KIAA1217: variants seen among roughly 807,000 people sequenced by gnomAD.
The protein encoded by KIAA1217 is sickle tail protein homolog.
In KIAA1217, 88 loss-of-function variants were observed where a neutral mutation model predicts 163.9. That is an observed-to-expected ratio of 0.54 (90% CI 0.45 to 0.64). The LOEUF (loss-of-function observed/expected upper bound fraction) is 0.64. KIAA1217 is among the 30% of genes least tolerant of loss of function. The pLI, the probability that KIAA1217 is intolerant of heterozygous loss-of-function variation, is 0.00. For synonymous variants in KIAA1217, 903 were observed against 923.1 expected (o/e 0.98, Z 0.39); for missense variants, 2,372 against 2,475.0 (o/e 0.96, Z 0.88).
intron 3 of KIAA1217, among the ~76,000 whole-genome samples, chr10:24,424,191 G>T (rs180914994): frequency 1.3e-5 from 2 of 152,086 alleles, no homozygotes; most frequent in Non-Finnish European, 2.9e-5. Flanking sequence ...TATCCTATAG[G>T]AAGGGACTTA....
intron 9 of KIAA1217, among the ~76,000 whole-genome samples, chr10:24,502,917 G>A (rs180829780): frequency 5.8e-4 from 88 of 152,232 alleles, no homozygotes; most frequent in Non-Finnish European, 1.1e-3. Flanking sequence ...AATGTGGAAG[G>A]CAGAGGTTGC....
chr10:24,411,087 T>C (rs2057731824), intron 3 of KIAA1217, among the ~76,000 whole-genome samples: 1 of 152,236 alleles, frequency 6.6e-6, no homozygotes. Context: ...GAATGTACTG[T>C]GCATGTCAGA....
intron 2 of KIAA1217, among the ~76,000 whole-genome samples, chr10:24,266,851 A>C (rs1054168424): frequency 1.3e-5 from 2 of 152,198 alleles, no homozygotes; most frequent in Admixed American, 1.3e-4. Context: ...ACGATGTGGA[A>C]GCTTTGTCCT....
intron 2 of KIAA1217, among the ~76,000 whole-genome samples, chr10:24,043,613 C>T (rs1332682712): frequency 6.6e-6 from 1 of 152,026 alleles, no homozygotes. Context: ...GAAGTATTGA[C>T]AGAAGTGGCT....
intron 2 of KIAA1217, among the ~76,000 whole-genome samples, chr10:24,237,887 C>T (rs1043342554): frequency 1.3e-5 from 2 of 152,194 alleles, no homozygotes; most frequent in African/African-American, 2.4e-5. Context: ...GGTAACCTCC[C>T]ATCTGTTGAC....
intron 2 of KIAA1217, among the ~76,000 whole-genome samples, chr10:24,263,637 G>A (rs1304998780): frequency 6.6e-6 from 1 of 152,110 alleles, no homozygotes; most frequent in Non-Finnish European, 1.5e-5. Context: ...TAACCACTAA[G>A]CATTTTGCTT....
chr10:24,150,464 C>T (rs1200991895), intron 2 of KIAA1217, among the ~76,000 whole-genome samples: 1 of 152,204 alleles, frequency 6.6e-6, no homozygotes, highest in Non-Finnish European at 1.5e-5. Context: ...TGGGCCAGAC[C>T]AGAGAAGGTC....
At position 24,417,574 on chromosome 10, in the gene KIAA1217, T is replaced by G. The variant is rs546012793; in HGVS notation, c.554-15421T>G. On this transcript the variant is annotated intron_variant, in intron 3 of 20. Transcript: ENST00000376454. ...TGATTTCCACGAGAGCATAGACTGATGCGGACTAGAATTGCTAGGACAGGG... is the reference window on the plus strand; with the variant it reads ...TGATTTCCACGAGAGCATAGACTGAGGCGGACTAGAATTGCTAGGACAGGG... Among the ~76,000 whole-genome samples, 26 of 152,196 alleles carry G rather than the reference T, an allele frequency of 1.7e-4. No individual in the cohort carries two copies. The South Asian group carries it at 5.4e-3, about 32-fold the overall frequency.
chr10:24,383,334 G>A (rs763429134), intron 3 of KIAA1217, among the ~76,000 whole-genome samples: 13 of 152,122 alleles, frequency 8.5e-5, no homozygotes, highest in Non-Finnish European at 1.6e-4. Flanking sequence ...TGACTCTGTC[G>A]GATAATGGAT....
At chr10:24,052,648 A>T (rs1183219501) in intron 2 of KIAA1217, among the ~76,000 whole-genome samples, 1 of 152,138 alleles carries the variant, frequency 6.6e-6, no homozygotes, top group Non-Finnish European at 1.5e-5. Flanking sequence ...AAATACTTCT[A>T]TTATATTACA....
At chr10:23,843,815 C>T (rs764553765) in intron 1 of KIAA1217, among the ~76,000 whole-genome samples, 22 of 152,228 alleles carry the variant, frequency 1.4e-4, no homozygotes, top group African/African-American at 3.8e-4. Context: ...AAAATTCAAC[C>T]GATCTCTTCC....
intron 2 of KIAA1217, among the ~76,000 whole-genome samples, chr10:24,139,252 A>G (rs1032513373): frequency 2.6e-5 from 4 of 152,052 alleles, no homozygotes; most frequent in African/African-American, 7.2e-5. Context: ...TATATTTGGA[A>G]TTTGGTTTAG....
At chr10:24,222,555 C>T (rs1003979256) in intron 2 of KIAA1217, among the ~76,000 whole-genome samples, 7 of 152,000 alleles carry the variant, frequency 4.6e-5, no homozygotes, top group African/African-American at 1.7e-4. Flanking sequence ...AGTACAGTGG[C>T]GCAATCTTGG....
At chr10:23,758,624 C>T (rs1834046833) in intron 1 of KIAA1217, among the ~76,000 whole-genome samples, 1 of 117,488 alleles carries the variant, frequency 8.5e-6, no homozygotes, top group Non-Finnish European at 1.7e-5. Flanking sequence ...TTCTTTCTTA[C>T]TTTCTCTCTC....
At chr10:23,881,733 C>A (rs150964813) in intron 1 of KIAA1217, among the ~76,000 whole-genome samples, 15 of 152,042 alleles carry the variant, frequency 9.9e-5, no homozygotes, top group African/African-American at 2.9e-4. Context: ...ATGAAGAGGG[C>A]AGCTTGGATA....
intron 2 of KIAA1217, among the ~76,000 whole-genome samples, chr10:24,320,147 T>C (rs1411430086): frequency 6.6e-6 from 1 of 152,148 alleles, no homozygotes; most frequent in East Asian, 1.9e-4. Context: ...GAAGAAAAAA[T>C]AAAGGACAAG....
At chr10:24,384,830 C>A (rs971172498) in intron 3 of KIAA1217, among the ~76,000 whole-genome samples, 2 of 152,220 alleles carry the variant, frequency 1.3e-5, no homozygotes, top group Non-Finnish European at 2.9e-5. Flanking sequence ...GCCACCACAC[C>A]CACCTGCTTT....
intron 1 of KIAA1217, among the ~76,000 whole-genome samples, chr10:23,848,933 G>T (rs575183670): frequency 6.6e-6 from 1 of 152,174 alleles, no homozygotes; most frequent in South Asian, 2.1e-4. Context: ...ATTGCTTTGA[G>T]TTATTAACTT....
intron 3 of KIAA1217, among the ~76,000 whole-genome samples, chr10:24,384,028 C>T (rs531915436): frequency 1.4e-3 from 214 of 152,288 alleles, no homozygotes; most frequent in African/African-American, 4.7e-3. Flanking sequence ...CAGAGAGCCC[C>T]GGCCATGAGC....
Sources: allele counts gnomAD v4.1 joint callset (sites outside exome capture counted in the v4.1 genomes callset), GRCh38; gene constraint gnomAD v4.1.1; transcripts MANE v1.5; gene names NCBI Gene and HGNC (gene_info 2026-07-23, HGNC 2026-07-21).